Variants in IQCE observed in about 807,000 individuals in gnomAD.
IQCE encodes IQ domain-containing protein E.
Under a neutral mutation model 96.0 loss-of-function variants are expected in IQCE, and 115 were observed. The observed-to-expected ratio is 1.20, with a 90% CI of 1.03 to 1.40. The LOEUF (loss-of-function observed/expected upper bound fraction) is 1.40. IQCE is among the 40% of genes most tolerant of loss of function. IQCE has a pLI of 0.00. For synonymous variants in IQCE, 412 were observed against 371.2 expected, an observed-to-expected ratio of 1.11 and a Z score of -1.26; for missense variants, 1,041 against 909.1, an observed-to-expected ratio of 1.15 and a Z score of -1.87.
At chr7:2,562,076 A>G (rs1447836829) in intron 1 of IQCE, among the ~76,000 whole-genome samples, 1 of 152,142 alleles carries the variant, frequency 6.6e-6, no homozygotes, top group Admixed American at 6.6e-5. Flanking sequence ...CTCTTCATAG[A>G]TTATTGAGTA....
chr7:2,583,714 G>T lies in IQCE; in HGVS notation c.774+5G>T. 6.7e-7 allele frequency: 1 copy of T among 1,481,992 alleles called. No homozygotes were observed. The allele number at this position is 1,481,992 out of a possible 1,614,324, so 91.8% of individuals were successfully genotyped here. A position where few individuals can be genotyped will look rare whatever the true frequency, so the allele number is the denominator to read the frequency against. ...ATGGAGACATACTACGAGGAGGTGC[G>T]CCGTGCTGGGCGGCGGAGCGGAGGG... On this transcript the variant is annotated splice_donor_5th_base_variant and intron_variant, in intron 10 of 21. Transcript: ENST00000402050.
Position 2,613,935 on chromosome 7 carries a change from C to T in IQCE, c.*3773C>T, listed in dbSNP as rs1268382958. 1 of 152,062 alleles carries T rather than the reference C, an allele frequency of 6.6e-6. No homozygotes were observed. The allele number at this position is 152,062 out of a possible 1,614,324, so 9.4% of individuals were successfully genotyped here. The stretch of plus-strand genomic sequence containing the variant: ...AGCAGGGCTAAACTCCAACCCAGGG[C>T]CCGGTGTTGGACAAAGTAGCTTTTT... On this transcript the variant is annotated 3_prime_UTR_variant, in exon 22 of 22. Transcript: ENST00000402050.
At chr7:2,602,897 G>C (rs1283061885) in intron 18 of IQCE, among the ~76,000 whole-genome samples, 2 of 152,202 alleles carry the variant, frequency 1.3e-5, no homozygotes, top group African/African-American at 4.8e-5. Context: ...CTGATGGCCA[G>C]GCCACAGCCA....
intron 6 of IQCE, among the ~76,000 whole-genome samples, chr7:2,576,691 G>T (rs770545420): frequency 3.3e-5 from 5 of 152,136 alleles, no homozygotes; most frequent in Non-Finnish European, 7.3e-5. Context: ...AAGCCACCGT[G>T]CCCGGCCCCG....
At chr7:2,599,256 G>T (rs1335253128) in intron 17 of IQCE, among the ~76,000 whole-genome samples, 1 of 152,060 alleles carries the variant, frequency 6.6e-6, no homozygotes, top group African/African-American at 2.4e-5. Flanking sequence ...GAGTGCAATG[G>T]CATGATCTTG....
At chr7:2,579,262 A>G (rs917395709) in intron 8 of IQCE, among the ~76,000 whole-genome samples, 5 of 152,186 alleles carry the variant, frequency 3.3e-5, no homozygotes, top group African/African-American at 1.2e-4. Flanking sequence ...TACTTCTCTA[A>G]AGTGGGACAT....
intron 1 of IQCE, among the ~76,000 whole-genome samples, chr7:2,561,494 C>T (rs1055807417): frequency 5.3e-5 from 8 of 150,602 alleles, no homozygotes; most frequent in Non-Finnish European, 8.8e-5. Flanking sequence ...GATCTCGGCT[C>T]ACTGCAAGCT....
chr7:2,584,476 T>C (rs1313479059), intron 11 of IQCE, 191 bp downstream of exon 11: 2 of 638,162 alleles, frequency 3.1e-6, no homozygotes, highest in Non-Finnish European at 5.8e-6. Context: ...AGACTCCTCA[T>C]AGTGACCACG....
At position 2,578,461 on chromosome 7, in the gene IQCE, A is replaced by T. The variant is rs972311970; in HGVS notation, c.580-15A>T. 1.2e-6 allele frequency: 2 copies of T among 1,614,030 alleles called. No individual in the cohort carries two copies. Among genetic ancestry groups the T allele is most frequent in the East Asian group, 4.5e-5 (2 of 44,892 alleles). On this transcript the variant is annotated splice_polypyrimidine_tract_variant and intron_variant, in intron 7 of 21. Transcript: ENST00000402050. ...CACCGAAGGCCGTCTTCATGTCTCA[A>T]TCTGCTTACCACAGGGCACGGATTT...
In IQCE at chr7:2,568,416, G is replaced by A. The variant is rs146335302; in HGVS notation, c.85-538G>A. Among the ~76,000 whole-genome samples, 11 of 152,276 alleles carry A rather than the reference G, an allele frequency of 7.2e-5. No homozygotes were observed. The East Asian group carries it at 1.4e-3, about 19-fold the overall frequency. Reference sequence around the variant, plus strand: ...ATCTCGGATATGGGACACTCACCCCGTAGTAAGCAGTGGAACCAGATCTGG... The same window carrying A: ...ATCTCGGATATGGGACACTCACCCCATAGTAAGCAGTGGAACCAGATCTGG... On this transcript the variant is annotated intron_variant, in intron 2 of 21. Coordinates refer to ENST00000402050, the MANE Select transcript of IQCE (RefSeq NM_152558.5).
chr7:2,588,976 A>G (rs765124076), intron 13 of IQCE, among the ~76,000 whole-genome samples: 1 of 152,098 alleles, frequency 6.6e-6, no homozygotes, highest in Non-Finnish European at 1.5e-5. Flanking sequence ...GGACCTTTGT[A>G]TTTTAAATAG....
chr7:2,571,345 A>G, intron 3 of IQCE, 181 bp from the exon 4 acceptor site: 1 of 700,194 alleles, frequency 1.4e-6, no homozygotes, highest in Non-Finnish European at 2.4e-6. Flanking sequence ...TTATAATAAA[A>G]GTTAAAGGAG....
intron 9 of IQCE, among the ~76,000 whole-genome samples, chr7:2,583,389 T>C (rs950767339): frequency 6.6e-6 from 1 of 152,202 alleles, no homozygotes. Context: ...AAAAGCTGTT[T>C]ACTCACTTTG....
At chr7:2,598,240 G>A in intron 16 of IQCE, 1 of 435,426 alleles carries the variant, frequency 2.3e-6, no homozygotes, top group Non-Finnish European at 4.1e-6. Flanking sequence ...TTAATGAGAA[G>A]CACGTCTGCA....
intron 6 of IQCE, among the ~76,000 whole-genome samples, chr7:2,573,770 G>T (rs1397138155): frequency 6.6e-6 from 1 of 152,232 alleles, no homozygotes; most frequent in Non-Finnish European, 1.5e-5. Flanking sequence ...TAGCTTCAGA[G>T]TCGCCTTGCG....
chr7:2,609,134 A>G (rs1373507041), intron 21 of IQCE, among the ~76,000 whole-genome samples: 1 of 151,994 alleles, frequency 6.6e-6, no homozygotes, highest in Non-Finnish European at 1.5e-5. Flanking sequence ...ACCCACCTCC[A>G]TCCCGTCTGT....
At chr7:2,591,029 G>A (rs1342900015) in intron 14 of IQCE, among the ~76,000 whole-genome samples, 13 of 152,160 alleles carry the variant, frequency 8.5e-5, no homozygotes, top group African/African-American at 2.9e-4. Flanking sequence ...AAGGTGGCAG[G>A]ATTGCCTGAG....
chr7:2,608,922 GA>G (rs1664904975), intron 21 of IQCE, among the ~76,000 whole-genome samples: 1 of 152,194 alleles, frequency 6.6e-6, no homozygotes, highest in South Asian at 2.1e-4. Context: ...GAATTTTCTT[GA>G]AAGTTGCAGG....
chr7:2,559,247 C>G, intron 1 of IQCE, 30 bp downstream of exon 1: 1 of 1,179,898 alleles, frequency 8.5e-7, no homozygotes, highest in Non-Finnish European at 1.0e-6. Flanking sequence ...CGACGCCGGG[C>G]GGGCGTCCGC....
Sources: allele counts gnomAD v4.1 joint callset (sites outside exome capture counted in the v4.1 genomes callset), GRCh38; gene constraint gnomAD v4.1.1; transcripts MANE v1.5; gene names NCBI Gene and HGNC (gene_info 2026-07-23, HGNC 2026-07-21).